The following NCOA2 variants were observed in gnomAD, a reference collection of about 807,000 sequenced individuals.
NCOA2 encodes the protein class E basic helix-loop-helix protein 75.
A neutral mutation model predicts 145.1 loss-of-function variants in NCOA2; 21 were observed. The ratio of observed to expected loss-of-function variants is 0.14; its 90% CI spans 0.10 to 0.21. The LOEUF is 0.21. Ranked by LOEUF, NCOA2 falls within the 10% of genes least tolerant of loss-of-function variation. The probability of loss-of-function intolerance (pLI) is 1.00; values close to 1 mark genes in which losing one functional copy is unlikely to be tolerated. For missense variants in NCOA2, 1,472 were observed against 1,837.6 expected, an observed-to-expected ratio of 0.80 and a Z score of 3.64; for synonymous variants, 619 against 637.5, an observed-to-expected ratio of 0.97 and a Z score of 0.44.
At chr8:70,226,734 T>A (rs1259196694) in intron 2 of NCOA2, among the ~76,000 whole-genome samples, 2 of 151,256 alleles carry the variant, frequency 1.3e-5, no homozygotes, top group Non-Finnish European at 2.9e-5. Flanking sequence ...TTCTTCTGTA[T>A]AATATAGACA....
chr8:70,225,198 G>A (rs953143969), intron 2 of NCOA2, among the ~76,000 whole-genome samples: 1 of 152,086 alleles, frequency 6.6e-6, no homozygotes, highest in Non-Finnish European at 1.5e-5. Context: ...GGAGAGGGTG[G>A]GGAATAGTAA....
intron 1 of NCOA2, among the ~76,000 whole-genome samples, chr8:70,351,053 G>C (rs1041818727): frequency 3.3e-5 from 5 of 152,166 alleles, no homozygotes; most frequent in Non-Finnish European, 5.9e-5. Context: ...ACTCACTTTT[G>C]TAAGTACCCA....
intron 1 of NCOA2, among the ~76,000 whole-genome samples, chr8:70,389,474 T>G (rs1212777772): frequency 2.0e-5 from 3 of 151,394 alleles, no homozygotes; most frequent in African/African-American, 7.3e-5. Context: ...GAGATGAGGG[T>G]TCTCCATGTT....
At chr8:70,253,398 G>A (rs1223850302) in intron 2 of NCOA2, among the ~76,000 whole-genome samples, 4 of 151,962 alleles carry the variant, frequency 2.6e-5, no homozygotes, top group Non-Finnish European at 5.9e-5. Flanking sequence ...TAATCAAAGA[G>A]GGAAAATAGA....
intron 1 of NCOA2, among the ~76,000 whole-genome samples, chr8:70,367,297 G>A (rs1810798998): frequency 1.3e-5 from 2 of 152,130 alleles, no homozygotes; most frequent in Admixed American, 1.3e-4. Context: ...ATACTGTTTT[G>A]AAATTAAATA....
intron 22 of NCOA2, among the ~76,000 whole-genome samples, chr8:70,118,451 T>TAC (rs1222482251): frequency 1.3e-5 from 2 of 152,016 alleles, no homozygotes; most frequent in Non-Finnish European, 2.9e-5. Context: ...TCTAGGTATA[T>TAC]ACAGACAACA....
intron 11 of NCOA2, among the ~76,000 whole-genome samples, chr8:70,153,216 A>G (rs1388571913): frequency 6.6e-6 from 1 of 152,216 alleles, no homozygotes; most frequent in Non-Finnish European, 1.5e-5. Flanking sequence ...TAAGAAAAAT[A>G]TACTTACTAT....
At chr8:70,370,931 C>T (rs1811157149) in intron 1 of NCOA2, among the ~76,000 whole-genome samples, 2 of 152,112 alleles carry the variant, frequency 1.3e-5, no homozygotes, top group South Asian at 4.1e-4. Flanking sequence ...TAAGTAAACC[C>T]ACATATCCTT....
At chr8:70,397,249 C>T (rs992537772) in intron 1 of NCOA2, among the ~76,000 whole-genome samples, 1 of 152,054 alleles carries the variant, frequency 6.6e-6, no homozygotes, top group Non-Finnish European at 1.5e-5. Context: ...GTCAGGAGTT[C>T]AGGACCAGCC....
intron 1 of NCOA2, among the ~76,000 whole-genome samples, chr8:70,372,559 A>C (rs1415380858): frequency 2.6e-5 from 4 of 152,220 alleles, no homozygotes; most frequent in African/African-American, 7.2e-5. Context: ...GCTAGGAAGT[A>C]GGGGAACAGC....
the NCOA2 span, among the ~76,000 whole-genome samples, chr8:70,455,251 G>A: frequency 6.6e-6 from 1 of 152,316 alleles, no homozygotes; most frequent in Non-Finnish European, 1.5e-5. Flanking sequence ...AGTGTTTCTT[G>A]GGTTGGCTCT....
At chr8:70,394,305 G>A (rs1197052057) in intron 1 of NCOA2, among the ~76,000 whole-genome samples, 4 of 152,192 alleles carry the variant, frequency 2.6e-5, no homozygotes, top group South Asian at 2.1e-4. Flanking sequence ...ACAGGTGCCC[G>A]CCACCATGCC....
upstream of NCOA2, among the ~76,000 whole-genome samples, chr8:70,405,710 T>C (rs199996671): frequency 3.3e-5 from 4 of 122,582 alleles, no homozygotes; most frequent in Admixed American, 8.0e-5. Context: ...AGATTCTCCT[T>C]CTTGCTTGCT....
chr8:70,324,022 C>G (rs1806327267), intron 1 of NCOA2, among the ~76,000 whole-genome samples: 1 of 152,146 alleles, frequency 6.6e-6, no homozygotes, highest in African/African-American at 2.4e-5. Flanking sequence ...ACTGGTTCTG[C>G]TACTAGTTTT....
the NCOA2 span, among the ~76,000 whole-genome samples, chr8:70,448,731 C>A: frequency 6.6e-6 from 1 of 151,204 alleles, no homozygotes; most frequent in Non-Finnish European, 1.5e-5. Context: ...GCTTAGTGCA[C>A]AGAAAAGAAT....
chr8:70,385,218 C>A (rs987120964), intron 1 of NCOA2, among the ~76,000 whole-genome samples: 1 of 152,164 alleles, frequency 6.6e-6, no homozygotes, highest in Non-Finnish European at 1.5e-5. Flanking sequence ...TACCAAATAA[C>A]TAACCAAGAT....
chr8:70,110,296 G>A lies in NCOA2; in HGVS notation c.*3336C>T, dbSNP rs755049688. On this transcript the variant is annotated 3_prime_UTR_variant, in exon 23 of 23. Coordinates refer to ENST00000452400, the MANE Select transcript of NCOA2 (RefSeq NM_006540.4). ...ATTCACTATACAAATATAATACATC[G>A]GACAGCTATGTAGGAATATACAAGA... is the stretch of plus-strand genomic sequence containing the variant. The A allele has an allele frequency of 1.0e-5, 2 of 196,682 alleles. No homozygotes were observed. Among genetic ancestry groups the A allele is most frequent in the African/African-American group, 4.6e-5 (2 of 43,300 alleles). The allele number at this position is 196,682 out of a possible 1,614,324, so 12.2% of individuals were successfully genotyped here. A position where few individuals can be genotyped will look rare whatever the true frequency, so the allele number is the denominator to read the frequency against.
chr8:70,356,168 G>C (rs560474878), intron 1 of NCOA2, among the ~76,000 whole-genome samples: 1 of 152,266 alleles, frequency 6.6e-6, no homozygotes, highest in East Asian at 1.9e-4. Flanking sequence ...CTTATAAAAA[G>C]TTGATCACAG....
the NCOA2 span, among the ~76,000 whole-genome samples, chr8:70,424,764 A>T: frequency 6.6e-6 from 1 of 152,202 alleles, no homozygotes; most frequent in Non-Finnish European, 1.5e-5. Context: ...TGTTGCAGTA[A>T]AACGTTATTT....
Sources: allele counts gnomAD v4.1 joint callset (sites outside exome capture counted in the v4.1 genomes callset), GRCh38; gene constraint gnomAD v4.1.1; transcripts MANE v1.5; gene names NCBI Gene and HGNC (gene_info 2026-07-23, HGNC 2026-07-21).